The following RB1 variants were observed in gnomAD, a reference collection of about 807,000 sequenced individuals.
RB1 encodes retinoblastoma-associated protein.
Under a neutral mutation model 135.4 loss-of-function variants are expected in RB1, and 18 were observed. That is an observed-to-expected ratio of 0.13 (90% confidence interval 0.09 to 0.20). The LOEUF is 0.20. Among genes scored for constraint, RB1 ranks in the 10% least tolerant of loss-of-function variants. RB1 has a pLI of 1.00. For missense variants in RB1, 868 were observed against 1,110.0 expected (o/e 0.78, Z 3.10); for synonymous variants, 365 against 373.2 (o/e 0.98, Z 0.25).
intron 24 of RB1, among the ~76,000 whole-genome samples, chr13:48,473,891 TC>T (rs1361260040): frequency 5.9e-5 from 9 of 152,154 alleles, no homozygotes; most frequent in African/African-American, 2.2e-4. Context: ...ACACCACACT[TC>T]CGTCTGACTT....
chr13:48,379,973 A>AC, intron 14 of RB1, 80 bp from the exon 15 acceptor site: 1 of 975,790 alleles, frequency 1.0e-6, no homozygotes, highest in East Asian at 4.4e-5. Flanking sequence ...AAAAAAAAAA[A>AC]AAAAAAAAAA....
chr13:48,403,594 G>T, intron 17 of RB1, among the ~76,000 whole-genome samples: 1 of 152,140 alleles, frequency 6.6e-6, no homozygotes, highest in East Asian at 1.9e-4. Flanking sequence ...CAATAATCAG[G>T]AAGGTTTTCT....
chr13:48,352,339 T>A (rs1156341160), intron 6 of RB1, among the ~76,000 whole-genome samples: 3 of 152,114 alleles, frequency 2.0e-5, no homozygotes. Context: ...ATTCAGGCTC[T>A]TTTTTGGTTC....
At chr13:48,313,279 CT>C (rs1163479334) in intron 2 of RB1, among the ~76,000 whole-genome samples, 1 of 151,942 alleles carries the variant, frequency 6.6e-6, no homozygotes, top group Non-Finnish European at 1.5e-5. Flanking sequence ...TATTTGCAGA[CT>C]TTTCCCCCCA....
At chr13:48,413,945 C>CT (rs1377952226) in intron 17 of RB1, among the ~76,000 whole-genome samples, 1 of 152,172 alleles carries the variant, frequency 6.6e-6, no homozygotes, top group Admixed American at 6.5e-5. Flanking sequence ...CCTCCCAGCT[C>CT]TTCCCTTAAC....
chr13:48,458,341 A>G (rs1949375107), intron 19 of RB1, among the ~76,000 whole-genome samples: 1 of 152,152 alleles, frequency 6.6e-6, no homozygotes, highest in South Asian at 2.1e-4. Context: ...GTGCATGCGT[A>G]TATACTTCCT....
chr13:48,461,604 C>T (rs1949405648), intron 20 of RB1, among the ~76,000 whole-genome samples: 1 of 152,046 alleles, frequency 6.6e-6, no homozygotes, highest in African/African-American at 2.4e-5. Context: ...ATTTTACATG[C>T]CTACCAATAA....
Position 48,303,877 on chromosome 13 carries a change from T to A in RB1, c.-36T>A, listed in dbSNP as rs2138026778. 1 of 1,511,896 alleles carries A rather than the reference T, an allele frequency of 6.6e-7. No homozygotes were observed. Among genetic ancestry groups the A allele is most frequent in the Non-Finnish European group, 8.8e-7 (1 of 1,137,370 alleles). The allele number at this position is 1,511,896 out of a possible 1,614,324, so 93.7% of individuals were successfully genotyped here. ...CGCGCGTCGTCCTCCCCGGCGCTCC[T>A]CCACAGCTCGCTGGCTCCCGCCGCG... On this transcript the variant is annotated 5_prime_UTR_variant, in exon 1 of 27. Coordinates refer to ENST00000267163, the MANE Select transcript of RB1 (RefSeq NM_000321.3).
intron 2 of RB1, chr13:48,333,335 G>A (rs1278853722): frequency 3.1e-6 from 1 of 326,300 alleles, no homozygotes; most frequent in Non-Finnish European, 5.5e-6. Flanking sequence ...CTTACTCAAT[G>A]GTTTTCAACC....
chr13:48,401,277 A>C (rs1459419169), intron 17 of RB1: 5 of 152,130 alleles, frequency 3.3e-5, no homozygotes, highest in Non-Finnish European at 7.4e-5. Flanking sequence ...TAGTTTTAGA[A>C]TTTTCAGTTT....
chr13:48,404,087 T>C (rs1948717552), intron 17 of RB1: 1 of 152,198 alleles, frequency 6.6e-6, no homozygotes, highest in Non-Finnish European at 1.5e-5. Context: ...AAGCTTGGTA[T>C]GCAGAGTTTA....
chr13:48,350,761 T>C (rs955786273), intron 6 of RB1, among the ~76,000 whole-genome samples: 6 of 152,128 alleles, frequency 3.9e-5, no homozygotes, highest in African/African-American at 1.2e-4. Context: ...CCCCAGTGCC[T>C]GTTGTTTCCA....
chr13:48,316,943 G>A (rs894826296), intron 2 of RB1: 2 of 361,986 alleles, frequency 5.5e-6, no homozygotes, highest in South Asian at 3.7e-5. Flanking sequence ...AGGCGTGCCC[G>A]CCCAAGGTGC....
intron 17 of RB1, among the ~76,000 whole-genome samples, chr13:48,386,132 T>G (rs1210615369): frequency 6.6e-6 from 1 of 151,372 alleles, no homozygotes; most frequent in African/African-American, 2.4e-5. Context: ...ACAGCGAGAC[T>G]CTGTCTCAAA....
At chr13:48,350,250 C>T (rs1004031676) in intron 6 of RB1, among the ~76,000 whole-genome samples, 1 of 152,064 alleles carries the variant, frequency 6.6e-6, no homozygotes, top group Non-Finnish European at 1.5e-5. Context: ...TTCTTGTCTG[C>T]ATATTGATCA....
At position 48,311,431 on chromosome 13, in the gene RB1, G is replaced by A. The variant is rs115940420; in HGVS notation, c.264+4025G>A. On this transcript the variant is annotated intron_variant, in intron 2 of 26. Coordinates refer to ENST00000267163, the MANE Select transcript of RB1 (RefSeq NM_000321.3). ...CATAGCATGTACTTACACAAACCTG[G>A]ATGGTATAGCCTATGACACACCTAT... Among the ~76,000 whole-genome samples, 648 of 152,282 alleles carry A rather than the reference G, an allele frequency of 4.3e-3. 5 individuals carry two copies. Among genetic ancestry groups the A allele is most frequent in the African/African-American group, 0.015 (624 of 41,554 alleles).
intron 7 of RB1, among the ~76,000 whole-genome samples, chr13:48,361,089 A>G (rs952292340): frequency 5.3e-5 from 8 of 152,126 alleles, no homozygotes; most frequent in Non-Finnish European, 1.0e-4. Context: ...AAGAAATAAA[A>G]AAAATTCTAT....
intron 17 of RB1, among the ~76,000 whole-genome samples, chr13:48,420,301 A>G (rs1056629806): frequency 5.3e-5 from 8 of 152,250 alleles, no homozygotes; most frequent in Admixed American, 2.0e-4. Context: ...GATTATGTCA[A>G]TAGATGCAGA....
intron 4 of RB1, among the ~76,000 whole-genome samples, chr13:48,346,370 A>ATATG (rs1171637464): frequency 7.6e-6 from 1 of 131,034 alleles, no homozygotes; most frequent in Non-Finnish European, 1.7e-5. Context: ...TATTATATAT[A>ATATG]TGTGTGTGTG....
Sources: gnomAD v4.1 joint callset for allele counts (sites outside exome capture counted in the v4.1 genomes callset) on GRCh38, gnomAD v4.1.1 for gene constraint, MANE v1.5 for transcripts, NCBI Gene and HGNC (gene_info 2026-07-23, HGNC 2026-07-21) for gene names.